STK32B: variants seen among roughly 807,000 people sequenced by gnomAD.
STK32B encodes serine/threonine kinase 32B.
Under a neutral mutation model 52.6 loss-of-function variants are expected in STK32B, and 43 were observed. That is an observed-to-expected ratio of 0.82 (90% CI 0.64 to 1.05). The LOEUF is 1.05. Among genes scored for constraint, STK32B ranks in the 50% least tolerant of loss-of-function variants. The pLI, the probability that STK32B is intolerant of heterozygous loss-of-function variation, is 0.00. For missense variants in STK32B, 621 were observed against 534.6 expected (o/e 1.16, Z -1.59); for synonymous variants, 238 against 204.3 (o/e 1.17, Z -1.41).
At chr4:5,122,381 TTC>T (rs1715093197) in intron 1 of STK32B, among the ~76,000 whole-genome samples, 1 of 151,346 alleles carries the variant, frequency 6.6e-6, no homozygotes, top group Admixed American at 6.6e-5. Flanking sequence ...CACTCATTCA[TTC>T]ACTCACTCAT....
intron 3 of STK32B, among the ~76,000 whole-genome samples, chr4:5,237,828 A>G (rs1474788527): frequency 6.6e-6 from 1 of 152,196 alleles, no homozygotes; most frequent in East Asian, 1.9e-4. Context: ...CTGGAGATTG[A>G]CAGTGAGTTT....
At chr4:5,053,267 G>A (rs1577612514) in intron 1 of STK32B, among the ~76,000 whole-genome samples, 1 of 152,180 alleles carries the variant, frequency 6.6e-6, no homozygotes, top group Non-Finnish European at 1.5e-5. Flanking sequence ...AGGGTCTTGG[G>A]GGCACAGAGA....
At chr4:5,445,458 T>A (rs1370090020) in intron 6 of STK32B, among the ~76,000 whole-genome samples, 1 of 152,082 alleles carries the variant, frequency 6.6e-6, no homozygotes, top group Non-Finnish European at 1.5e-5. Flanking sequence ...CACAAAATGT[T>A]CCTGGAAGCC....
chr4:5,318,229 T>C (rs780749791), intron 3 of STK32B, among the ~76,000 whole-genome samples: 5 of 152,056 alleles, frequency 3.3e-5, no homozygotes, highest in Non-Finnish European at 5.9e-5. Flanking sequence ...ATAAATGTTA[T>C]GAAGAGAGGT....
At chr4:5,363,763 G>A (rs1005413976) in intron 4 of STK32B, among the ~76,000 whole-genome samples, 15 of 151,970 alleles carry the variant, frequency 9.9e-5, no homozygotes, top group African/African-American at 3.4e-4. Flanking sequence ...TGTGACACAT[G>A]TCCTCTTACC....
chr4:5,183,684 A>G (rs1382051237), intron 3 of STK32B, among the ~76,000 whole-genome samples: 2 of 152,094 alleles, frequency 1.3e-5, no homozygotes, highest in Non-Finnish European at 2.9e-5. Flanking sequence ...TTAATTGAAA[A>G]ATCTGTTGTT....
At chr4:5,476,445 G>C (rs1718250455) in intron 11 of STK32B, among the ~76,000 whole-genome samples, 1 of 152,136 alleles carries the variant, frequency 6.6e-6, no homozygotes, top group Admixed American at 6.6e-5. Context: ...ATAAAATACA[G>C]AATACAAACA....
chr4:5,317,557 A>G (rs1306549942), intron 3 of STK32B, among the ~76,000 whole-genome samples: 3 of 125,292 alleles, frequency 2.4e-5, no homozygotes, highest in East Asian at 2.1e-4. Context: ...ATATATATAT[A>G]TAACTTGAAA....
At chr4:5,295,424 G>A (rs1729134466) in intron 3 of STK32B, among the ~76,000 whole-genome samples, 1 of 151,394 alleles carries the variant, frequency 6.6e-6, no homozygotes, top group African/African-American at 2.4e-5. Flanking sequence ...TGGTTGGTAG[G>A]CTATTAATTA....
chr4:5,395,030 G>A lies in STK32B; in HGVS notation c.435-3177G>A, dbSNP rs1227189042. Among the ~76,000 whole-genome samples the A allele has an allele frequency of 6.6e-6, 1 of 152,166 alleles. No homozygotes were observed. Among genetic ancestry groups the A allele is most frequent in the Non-Finnish European group, 1.5e-5 (1 of 68,036 alleles). On this transcript the variant is annotated intron_variant, in intron 4 of 11. Transcript: ENST00000282908. This position sits in a 1 kb window ranked among gnomAD's most constrained non-coding sequence, Gnocchi z 4.4. The stretch of plus-strand genomic sequence containing the variant: ...GAACATGGGGTGGGGTTCTCTCCCA[G>A]GCTCTTGTGGTTGTTGGCAGATTTC...
chr4:5,498,241 A>G (rs893576271), intron 11 of STK32B, among the ~76,000 whole-genome samples: 2 of 152,204 alleles, frequency 1.3e-5, no homozygotes, highest in Non-Finnish European at 2.9e-5. Flanking sequence ...GGTATAGCGA[A>G]TGAACTTTAA....
intron 6 of STK32B, among the ~76,000 whole-genome samples, chr4:5,421,076 CTTGTTT>C (rs10522352): frequency 0.83 from 118,372 of 143,260 alleles, 49,179 homozygotes; most frequent in African/African-American, 0.93. Flanking sequence ...ATTTTTGTAT[CTTGTTT>C]TTGTTTTTGT....
At chr4:5,159,429 A>AAC (rs1448966684) in intron 2 of STK32B, among the ~76,000 whole-genome samples, 2 of 149,566 alleles carry the variant, frequency 1.3e-5, no homozygotes, top group Admixed American at 6.8e-5. Context: ...TCTCTAGTGA[A>AAC]ACAGAACCAA....
chr4:5,258,860 C>T (rs989630875), intron 3 of STK32B, among the ~76,000 whole-genome samples: 13 of 152,218 alleles, frequency 8.5e-5, no homozygotes, highest in Non-Finnish European at 1.3e-4. Context: ...GCCCCAGGTT[C>T]TCCATCTCAC....
chr4:5,317,474 T>C (rs1300856451), intron 3 of STK32B, among the ~76,000 whole-genome samples: 3 of 104,354 alleles, frequency 2.9e-5, no homozygotes, highest in African/African-American at 5.2e-5. Flanking sequence ...ATGTATAATA[T>C]ATATATTACA....
At chr4:5,127,459 C>T (rs1448150160) in intron 1 of STK32B, among the ~76,000 whole-genome samples, 1 of 152,108 alleles carries the variant, frequency 6.6e-6, no homozygotes, top group African/African-American at 2.4e-5. Context: ...CAGTTACATC[C>T]AGTCATCATT....
At chr4:5,444,505 A>G (rs1218993711) in intron 6 of STK32B, among the ~76,000 whole-genome samples, 1 of 152,012 alleles carries the variant, frequency 6.6e-6, no homozygotes, top group Admixed American at 6.6e-5. Context: ...ACTGTCTGGC[A>G]CTCCCTAGTG....
At chr4:5,094,441 C>G (rs961420983) in intron 1 of STK32B, among the ~76,000 whole-genome samples, 6 of 151,982 alleles carry the variant, frequency 3.9e-5, no homozygotes, top group Admixed American at 6.6e-5. Context: ...TTGTTTGAGC[C>G]CAGGAGTTCA....
At position 5,204,778 on chromosome 4, in the gene STK32B, T is replaced by C. The variant is rs1185545127; in HGVS notation, c.260+36328T>C. ...CCACTGCTCCCGGCGTGTCCTGGGTTTTAAGCAAAATATAGTCTCAGCTCT... is the reference window on the plus strand; with the variant it reads ...CCACTGCTCCCGGCGTGTCCTGGGTCTTAAGCAAAATATAGTCTCAGCTCT... On this transcript the variant is annotated intron_variant, in intron 3 of 11. Coordinates refer to ENST00000282908, the MANE Select transcript of STK32B (RefSeq NM_018401.3). Among the ~76,000 whole-genome samples, 6 of 152,126 alleles carry C rather than the reference T, an allele frequency of 3.9e-5. No homozygotes were observed. In the East Asian group the frequency reaches 1.2e-3, roughly 29 times the overall value.
Sources: gnomAD v4.1 joint callset for allele counts (sites outside exome capture counted in the v4.1 genomes callset) on GRCh38, gnomAD v4.1.1 for gene constraint, Gnocchi (gnomAD v3.1) non-coding constraint, MANE v1.5 for transcripts, NCBI Gene and HGNC (gene_info 2026-07-23, HGNC 2026-07-21) for gene names.